AATF: variants seen among roughly 807,000 people sequenced by gnomAD.
The protein encoded by AATF is protein AATF.
In AATF, 48 loss-of-function variants were observed where a neutral mutation model predicts 63.7. That is an observed-to-expected ratio of 0.75 (90% confidence interval 0.60 to 0.96). The LOEUF is 0.96. AATF is among the 40% of genes least tolerant of loss of function. The probability of loss-of-function intolerance (pLI) is 0.00; values close to 1 mark genes in which losing one functional copy is unlikely to be tolerated. For synonymous variants in AATF, 258 were observed against 247.7 expected, an observed-to-expected ratio of 1.04 and a Z score of -0.39; for missense variants, 639 against 685.7, an observed-to-expected ratio of 0.93 and a Z score of 0.76.
rs1231468476 is a variant in AATF, at chr17:36,968,830, G to A, written c.832+14923G>A. ...AGATGAGGTCTTGCTGTGTTGCCCA[G>A]GCTGGTCTTGAACTCCTGGCTTCGA... On this transcript the variant is annotated intron_variant, in intron 4 of 11. Coordinates refer to ENST00000619387, the MANE Select transcript of AATF (RefSeq NM_012138.4). Among the ~76,000 whole-genome samples, 11 of 152,014 alleles carry A rather than the reference G, an allele frequency of 7.2e-5. No homozygotes were observed. In the East Asian group the frequency reaches 2.1e-3, roughly 29 times the overall value.
At chr17:36,985,000 C>G (rs903577501) in intron 4 of AATF, among the ~76,000 whole-genome samples, 8 of 151,176 alleles carry the variant, frequency 5.3e-5, no homozygotes, top group African/African-American at 1.7e-4. Flanking sequence ...CTCCCAGGTT[C>G]AAGCAATTCT....
At chr17:37,027,087 A>G (rs2071516439) in intron 10 of AATF, among the ~76,000 whole-genome samples, 1 of 152,240 alleles carries the variant, frequency 6.6e-6, no homozygotes, top group Non-Finnish European at 1.5e-5. Context: ...TTTAAATGGT[A>G]CAGCCTGGTC....
chr17:36,960,526 C>A (rs898474432), intron 4 of AATF, among the ~76,000 whole-genome samples: 9 of 152,124 alleles, frequency 5.9e-5, no homozygotes, highest in African/African-American at 2.2e-4. Flanking sequence ...GTACCCCTGC[C>A]GCCCAGTACC....
In AATF at chr17:36,973,406, C is replaced by T. The variant is rs566098741; in HGVS notation, c.833-13211C>T. On this transcript the variant is annotated intron_variant, in intron 4 of 11. Transcript: ENST00000619387. Reference sequence around the variant, plus strand: ...GTTGCTCTTGGCCACACTGCCCACTCACTATGCATATGGTTTAACTTAACT... The same window carrying T: ...GTTGCTCTTGGCCACACTGCCCACTTACTATGCATATGGTTTAACTTAACT... Among the ~76,000 whole-genome samples the T allele has an allele frequency of 3.3e-5, 5 of 152,306 alleles. No homozygotes were observed. In the South Asian group the frequency reaches 1.0e-3, roughly 32 times the overall value.
intron 4 of AATF, among the ~76,000 whole-genome samples, chr17:36,965,335 C>T (rs1228779147): frequency 6.6e-6 from 1 of 152,188 alleles, no homozygotes; most frequent in Non-Finnish European, 1.5e-5. Context: ...CCTCTTCCAT[C>T]TTTAAAACCA....
At chr17:36,979,709 A>G (rs2071106335) in intron 4 of AATF, among the ~76,000 whole-genome samples, 1 of 151,940 alleles carries the variant, frequency 6.6e-6, no homozygotes, top group African/African-American at 2.4e-5. Context: ...TTATACACTC[A>G]CTCTTCCTGT....
chr17:36,948,990 T>C lies in AATF; in HGVS notation c.-136T>C. 1.3e-6 allele frequency: 1 copy of C among 786,198 alleles called. No homozygotes were observed. Among genetic ancestry groups the C allele is most frequent in the East Asian group, 2.8e-5 (1 of 35,996 alleles). The allele number at this position is 786,198 out of a possible 1,614,324, so 48.7% of individuals were successfully genotyped here. On this transcript the variant is annotated 5_prime_UTR_variant, in exon 1 of 12. Coordinates refer to ENST00000619387, the MANE Select transcript of AATF (RefSeq NM_012138.4). Reference sequence around the variant, plus strand: ...AAGTGGCCGGTCCAGAGCTGTGGGGTGGCCTCCGCGCGGTCTCTGGCGGAG... The same window carrying C: ...AAGTGGCCGGTCCAGAGCTGTGGGGCGGCCTCCGCGCGGTCTCTGGCGGAG...
At chr17:36,951,973 T>A (rs1484895642) in intron 2 of AATF, among the ~76,000 whole-genome samples, 3 of 152,174 alleles carry the variant, frequency 2.0e-5, no homozygotes, top group Non-Finnish European at 4.4e-5. Flanking sequence ...ACAGATTGGA[T>A]AAACTGTAAA....
chr17:36,968,126 T>A (rs1156917230), intron 4 of AATF, among the ~76,000 whole-genome samples: 3 of 151,700 alleles, frequency 2.0e-5, no homozygotes, highest in Non-Finnish European at 4.4e-5. Context: ...TCAGACTGTT[T>A]CTGTGATTCT....
rs2070832147 is a variant in AATF, at chr17:36,949,190, C to T, written c.65C>T (p.Ala22Val). The T allele has an allele frequency of 1.3e-6, 2 of 1,593,582 alleles. No individual in the cohort carries two copies. The highest frequency in any genetic ancestry group is 1.3e-5 in the African/African-American group (1 of 74,812). ...EQLLNPRPSE[A>V]DPEADPEEAT... ...TTGTTGAACCCGCGACCAAGCGAGG[C>T]GGACCCTGAAGCGGACCCCGAGGAA... The change falls in exon 1 of 12, where the codon GCG becomes GTG. Residue 22 changes from alanine (A) to valine (V), a missense_variant. Physicochemically the swap from Ala to Val is moderately conservative, Grantham distance 64 (BLOSUM62 0). Coordinates refer to ENST00000619387, the MANE Select transcript of AATF (RefSeq NM_012138.4).
At position 36,968,408 on chromosome 17, in the gene AATF, G is replaced by C. The variant is rs1378207761; in HGVS notation, c.832+14501G>C. Among the ~76,000 whole-genome samples the C allele has an allele frequency of 2.7e-5, 4 of 148,258 alleles. No homozygotes were observed. In the East Asian group the frequency reaches 8.1e-4, roughly 30 times the overall value. The stretch of plus-strand genomic sequence containing the variant: ...ACCTGCATCAGCCCCACAAGTAGCT[G>C]GGACTACAGGTGCACGCCACCACGC... On this transcript the variant is annotated intron_variant, in intron 4 of 11. Coordinates refer to ENST00000619387, the MANE Select transcript of AATF (RefSeq NM_012138.4).
rs1354004869 is a variant in AATF, at chr17:37,041,168, G to A, written c.1619+9483G>A. Among the ~76,000 whole-genome samples, 9 of 152,204 alleles carry A rather than the reference G, an allele frequency of 5.9e-5. No homozygotes were observed. The South Asian group carries it at 6.2e-4, about 11-fold the overall frequency. On this transcript the variant is annotated intron_variant, in intron 11 of 11. Coordinates refer to ENST00000619387, the MANE Select transcript of AATF (RefSeq NM_012138.4). ...GTATGTATTTTATACAGATATATAC[G>A]TATGTGTTTGAATCTTTTTTCAGAT...
At chr17:37,019,451 G>A (rs1312822477) in intron 9 of AATF, among the ~76,000 whole-genome samples, 3 of 152,156 alleles carry the variant, frequency 2.0e-5, no homozygotes, top group Non-Finnish European at 4.4e-5. Context: ...TTTGCTCTCA[G>A]TCGAATCTGC....
intron 11 of AATF, among the ~76,000 whole-genome samples, chr17:37,053,896 A>G (rs961550570): frequency 6.6e-6 from 1 of 152,248 alleles, no homozygotes; most frequent in Non-Finnish European, 1.5e-5. Flanking sequence ...TACTTGAATG[A>G]ACGATGAGTA....
At chr17:36,998,354 C>G (rs2071270307) in intron 8 of AATF, among the ~76,000 whole-genome samples, 1 of 152,192 alleles carries the variant, frequency 6.6e-6, no homozygotes, top group African/African-American at 2.4e-5. Context: ...GAAGGAAGTA[C>G]ATGACTGTTG....
At chr17:36,955,412 G>A (rs1016248268) in intron 4 of AATF, among the ~76,000 whole-genome samples, 5 of 152,178 alleles carry the variant, frequency 3.3e-5, no homozygotes, top group African/African-American at 1.2e-4. Flanking sequence ...GGAGCCTTAC[G>A]TGGCCTGTGT....
chr17:36,953,623 A>C (rs181159612), intron 3 of AATF, 147 bp from the exon 4 acceptor site: 1 of 796,398 alleles, frequency 1.3e-6, no homozygotes, highest in South Asian at 1.9e-5. Context: ...ATTTTCTCTA[A>C]TAGAGAATAT....
At chr17:36,970,954 A>C (rs1416441091) in intron 4 of AATF, among the ~76,000 whole-genome samples, 1 of 152,162 alleles carries the variant, frequency 6.6e-6, no homozygotes, top group East Asian at 1.9e-4. Context: ...ATATTAACTT[A>C]AATATAAATC....
At chr17:37,055,076 T>G (rs2071787172) in intron 11 of AATF, 1 of 152,272 alleles carries the variant, frequency 6.6e-6, no homozygotes, top group South Asian at 2.1e-4. Flanking sequence ...GTCACATGGA[T>G]GTGTGTAACA....
Sources: allele counts gnomAD v4.1 joint callset (sites outside exome capture counted in the v4.1 genomes callset), GRCh38; gene constraint gnomAD v4.1.1; transcripts MANE v1.5; gene names NCBI Gene and HGNC (gene_info 2026-07-23, HGNC 2026-07-21).